Variants in RALGAPA2 observed in about 807,000 individuals in gnomAD.
The protein encoded by RALGAPA2 is Ral GTPase activating protein catalytic subunit alpha 2.
Under a neutral mutation model 230.4 loss-of-function variants are expected in RALGAPA2, and 139 were observed. The observed-to-expected ratio is 0.60, with a 90% CI of 0.53 to 0.69. RALGAPA2 has a LOEUF of 0.69. RALGAPA2 is among the 30% of genes least tolerant of loss of function. The pLI is 0.00. For missense variants in RALGAPA2, 2,163 were observed against 2,276.0 expected (o/e 0.95, Z 1.01); for synonymous variants, 847 against 837.8 (o/e 1.01, Z -0.19).
At chr20:20,474,922 G>C (rs1161391224) in intron 36 of RALGAPA2, among the ~76,000 whole-genome samples, 2 of 152,160 alleles carry the variant, frequency 1.3e-5, no homozygotes, top group African/African-American at 4.8e-5. Flanking sequence ...ATCAAGAAAA[G>C]AGACTCAATG....
chr20:20,643,420 T>C, intron 5 of RALGAPA2, 86 bp downstream of exon 5: 1 of 1,262,762 alleles, frequency 7.9e-7, no homozygotes, highest in Non-Finnish European at 1.1e-6. Flanking sequence ...AAAGATCTTT[T>C]TTCCAAAATG....
At chr20:20,580,905 A>T (rs2064964984) in intron 20 of RALGAPA2, among the ~76,000 whole-genome samples, 1 of 152,240 alleles carries the variant, frequency 6.6e-6, no homozygotes, top group African/African-American at 2.4e-5. Context: ...AGATATAATC[A>T]AATTGTTTCT....
intron 7 of RALGAPA2, among the ~76,000 whole-genome samples, chr20:20,638,831 G>A (rs537953529): frequency 2.6e-5 from 4 of 152,150 alleles, no homozygotes; most frequent in South Asian, 2.1e-4. Flanking sequence ...GCAAGGAAAG[G>A]GGACAAAATT....
intron 15 of RALGAPA2, among the ~76,000 whole-genome samples, chr20:20,604,063 T>C (rs897292765): frequency 2.0e-5 from 3 of 152,194 alleles, no homozygotes; most frequent in African/African-American, 7.2e-5. Flanking sequence ...TCAAATCCAA[T>C]GTTTGACTTT....
At chr20:20,515,835 C>G (rs1385763534) in intron 31 of RALGAPA2, among the ~76,000 whole-genome samples, 1 of 146,128 alleles carries the variant, frequency 6.8e-6, no homozygotes, top group Non-Finnish European at 1.5e-5. Context: ...TGACCAGAAC[C>G]AATGGGAGTG....
chr20:20,550,755 C>T (rs1884864), intron 23 of RALGAPA2, among the ~76,000 whole-genome samples: 12,480 of 152,158 alleles, frequency 0.082, 734 homozygotes, highest in East Asian at 0.16. Flanking sequence ...CCTTACGGAG[C>T]TGTATGTAAT....
At chr20:20,591,450 T>A in intron 16 of RALGAPA2, 136 bp from the exon 17 acceptor site, 1 of 1,093,878 alleles carries the variant, frequency 9.1e-7, no homozygotes, top group South Asian at 1.6e-5. Context: ...AATCTGCATT[T>A]AAATGATCAA....
chr20:20,648,286 C>T (rs1012343873), intron 4 of RALGAPA2, among the ~76,000 whole-genome samples: 10 of 151,858 alleles, frequency 6.6e-5, no homozygotes, highest in Admixed American at 2.6e-4. Flanking sequence ...CTCTAGAAAA[C>T]GCAAGCTAGT....
intron 38 of RALGAPA2, among the ~76,000 whole-genome samples, chr20:20,402,997 AC>A (rs2059878735): frequency 1.3e-5 from 2 of 151,866 alleles, no homozygotes; most frequent in African/African-American, 4.8e-5. Context: ...AGGCCCTTCC[AC>A]CTGCTCTTTC....
At chr20:20,494,782 T>C (rs1326697680) in intron 36 of RALGAPA2, among the ~76,000 whole-genome samples, 1 of 152,262 alleles carries the variant, frequency 6.6e-6, no homozygotes, top group Non-Finnish European at 1.5e-5. Context: ...TCAACTCTTA[T>C]TATTAATCAA....
intron 37 of RALGAPA2, among the ~76,000 whole-genome samples, chr20:20,441,621 G>A (rs2060742454): frequency 6.6e-6 from 1 of 152,202 alleles, no homozygotes; most frequent in African/African-American, 2.4e-5. Flanking sequence ...TAATGCTCTA[G>A]GTTGCCCATG....
intron 1 of RALGAPA2, among the ~76,000 whole-genome samples, chr20:20,693,050 C>A (rs1304187009): frequency 6.6e-6 from 1 of 152,222 alleles, no homozygotes; most frequent in Non-Finnish European, 1.5e-5. Context: ...ATTAATCCTA[C>A]TTCATTTCTG....
intron 13 of RALGAPA2, 84 bp from the exon 14 acceptor site, chr20:20,611,510 A>C: frequency 6.6e-7 from 1 of 1,507,866 alleles, no homozygotes; most frequent in South Asian, 1.4e-5. Flanking sequence ...TTCTCTTAAG[A>C]ATTCAGCAAC....
At chr20:20,651,191 T>C (rs1384708053) in intron 4 of RALGAPA2, among the ~76,000 whole-genome samples, 1 of 152,228 alleles carries the variant, frequency 6.6e-6, no homozygotes, top group East Asian at 1.9e-4. Flanking sequence ...ATTGTCATTC[T>C]AAAATCTGAA....
chr20:20,477,650 ATCTTGGCTCAC>A (rs1254292297), intron 36 of RALGAPA2, among the ~76,000 whole-genome samples: 2 of 152,102 alleles, frequency 1.3e-5, no homozygotes, highest in Non-Finnish European at 2.9e-5. Flanking sequence ...CAGTGGCTCA[ATCTTGGCTCAC>A]AGCAACCTCC....
At chr20:20,658,900 T>C (rs1418997750) in intron 3 of RALGAPA2, among the ~76,000 whole-genome samples, 1 of 152,206 alleles carries the variant, frequency 6.6e-6, no homozygotes, top group Non-Finnish European at 1.5e-5. Flanking sequence ...CTTAGAAAGC[T>C]AGGACAGTGA....
intron 1 of RALGAPA2, among the ~76,000 whole-genome samples, chr20:20,709,947 G>A (rs1568786213): frequency 6.6e-6 from 1 of 152,174 alleles, no homozygotes; most frequent in East Asian, 1.9e-4. Context: ...TATGTAATGG[G>A]AAAGAAACTG....
chr20:20,607,263 C>T (rs936673354), intron 14 of RALGAPA2, among the ~76,000 whole-genome samples: 14 of 152,144 alleles, frequency 9.2e-5, no homozygotes, highest in Admixed American at 5.2e-4. Context: ...ATTCTGACCA[C>T]CTGGAAAATC....
intron 19 of RALGAPA2, among the ~76,000 whole-genome samples, chr20:20,584,581 A>C (rs974277421): frequency 6.6e-6 from 1 of 152,186 alleles, no homozygotes; most frequent in Non-Finnish European, 1.5e-5. Flanking sequence ...GTCATTCAAA[A>C]CCAGCCTGGG....
Sources: gnomAD v4.1 joint callset for allele counts (sites outside exome capture counted in the v4.1 genomes callset) on GRCh38, gnomAD v4.1.1 for gene constraint, MANE v1.5 for transcripts, NCBI Gene and HGNC (gene_info 2026-07-23, HGNC 2026-07-21) for gene names.